HYDIN: variants seen among roughly 807,000 people sequenced by gnomAD.
HYDIN encodes the protein HYDIN axonemal central pair apparatus protein.
In HYDIN, 132 loss-of-function variants were observed where a neutral mutation model predicts 403.9. That is an observed-to-expected ratio of 0.33 (90% CI 0.28 to 0.38). The LOEUF (loss-of-function observed/expected upper bound fraction) is 0.38, where lower values mean the gene tolerates loss of function less well. Ranked by LOEUF, HYDIN falls within the 10% of genes least tolerant of loss-of-function variation. The probability of loss-of-function intolerance (pLI) is 1.00; values close to 1 mark genes in which losing one functional copy is unlikely to be tolerated. For missense variants in HYDIN, 2,827 were observed against 5,009.5 expected (o/e 0.56, Z 13.15); for synonymous variants, 1,202 against 1,891.7 (o/e 0.64, Z 9.46).
chr16:71,210,866 T>C (rs530638326), intron 1 of HYDIN, among the ~76,000 whole-genome samples: 3 of 152,242 alleles, frequency 2.0e-5, no homozygotes, highest in Admixed American at 2.0e-4. Flanking sequence ...TTGTTAGTAG[T>C]CATATTATTA....
chr16:70,881,813 G>T (rs2143687704), intron 60 of HYDIN, among the ~76,000 whole-genome samples: 1 of 152,312 alleles, frequency 6.6e-6, no homozygotes, highest in East Asian at 1.9e-4. Context: ...GCCAGCTCTG[G>T]GGCCTGAGGA....
intron 5 of HYDIN, among the ~76,000 whole-genome samples, chr16:71,164,601 G>A (rs893512943): frequency 2.2e-5 from 1 of 44,994 alleles, no homozygotes; most frequent in Admixed American, 2.5e-4. Context: ...AAAACTGCCA[G>A]GAATGCTCAC....
At chr16:70,875,172 C>T (rs1458107574) in intron 62 of HYDIN, among the ~76,000 whole-genome samples, 4 of 150,834 alleles carry the variant, frequency 2.7e-5, no homozygotes, top group African/African-American at 7.4e-5. Context: ...CAGAACTTTC[C>T]AGATCACGTA....
chr16:71,053,093 A>G (rs2081719734), intron 18 of HYDIN, among the ~76,000 whole-genome samples: 1 of 152,120 alleles, frequency 6.6e-6, no homozygotes, highest in Non-Finnish European at 1.5e-5. Context: ...AAAATTCTCA[A>G]TCTCAATAGT....
intron 74 of HYDIN, 121 bp downstream of exon 74, chr16:70,850,327 T>G (rs1196194363): frequency 1.1e-6 from 1 of 935,662 alleles, no homozygotes; most frequent in Non-Finnish European, 1.6e-6. Flanking sequence ...CTTGCAGTGT[T>G]TCTGTTTTCC....
chr16:71,210,266 C>A (rs1318494530), intron 1 of HYDIN, among the ~76,000 whole-genome samples: 1 of 152,142 alleles, frequency 6.6e-6, no homozygotes, highest in Non-Finnish European at 1.5e-5. Context: ...CCTAAATGCT[C>A]ATCAATGGTA....
intron 1 of HYDIN, 61 bp from the exon 2 acceptor site, chr16:71,186,979 A>C: frequency 9.0e-7 from 1 of 1,106,794 alleles, no homozygotes; most frequent in South Asian, 1.6e-5. Flanking sequence ...ACAGGTCATA[A>C]TTTTTTTTAA....
intron 18 of HYDIN, among the ~76,000 whole-genome samples, chr16:71,042,327 C>T (rs2081310446): frequency 6.6e-6 from 1 of 152,090 alleles, no homozygotes; most frequent in African/African-American, 2.4e-5. Context: ...TTCTTTTAGC[C>T]TTTGCTTTTT....
intron 13 of HYDIN, among the ~76,000 whole-genome samples, chr16:71,070,298 CTCCT>C (rs58076755): frequency 2.2e-4 from 31 of 138,812 alleles, no homozygotes; most frequent in Non-Finnish European, 3.7e-4. Context: ...TCCTTCCTTC[CTCCT>C]TCCTTCCTTC....
At chr16:71,033,268 T>A (rs1207537027) in intron 18 of HYDIN, among the ~76,000 whole-genome samples, 1 of 152,244 alleles carries the variant, frequency 6.6e-6, no homozygotes, top group Non-Finnish European at 1.5e-5. Context: ...CCTTGGAATG[T>A]CTGACAAATG....
intron 39 of HYDIN, among the ~76,000 whole-genome samples, chr16:70,956,261 A>G (rs1200263925): frequency 7.1e-6 from 1 of 140,624 alleles, no homozygotes; most frequent in African/African-American, 3.0e-5. Flanking sequence ...TTCATTACAA[A>G]AAAAAAAAAA....
intron 18 of HYDIN, among the ~76,000 whole-genome samples, chr16:71,043,478 C>A (rs897320931): frequency 8.3e-5 from 12 of 144,246 alleles, no homozygotes; most frequent in Non-Finnish European, 1.5e-5. Context: ...TCTTTTTCTT[C>A]TTTTCCTACT....
chr16:71,016,030 A>T (rs1489855606), intron 23 of HYDIN, among the ~76,000 whole-genome samples: 48 of 152,040 alleles, frequency 3.2e-4, no homozygotes, highest in Admixed American at 2.6e-4. Flanking sequence ...GCTCAGTGCT[A>T]CACATACTCA....
Position 70,901,214 on chromosome 16 carries a change from A to C in HYDIN, c.8850-12T>G, listed in dbSNP as rs760595447. ...CCCTGGATTCCTGTCTGCAGAGACA[A>C]AAGGAAAGTTGCAATTTCATTTCAA... On this transcript the variant is annotated splice_polypyrimidine_tract_variant and intron_variant, in intron 52 of 85. Coordinates refer to ENST00000393567, the MANE Select transcript of HYDIN (RefSeq NM_001270974.2). 1.6e-4 allele frequency: 201 copies of C among 1,232,184 alleles called. No individual in the cohort carries two copies. The highest frequency in any genetic ancestry group is 2.8e-4 in the Admixed American group (12 of 42,806). The allele number at this position is 1,232,184 out of a possible 1,614,324, so 76.3% of individuals were successfully genotyped here. A position where few individuals can be genotyped will look rare whatever the true frequency, so the allele number is the denominator to read the frequency against.
Position 70,805,551 on chromosome 16 carries a change from A to C in HYDIN, c.*2029T>G, listed in dbSNP as rs2035072489. Among the ~76,000 whole-genome samples, 1 of 152,236 alleles carries C rather than the reference A, an allele frequency of 6.6e-6. No individual in the cohort carries two copies. The highest frequency in any genetic ancestry group is 2.1e-4 in the South Asian group (1 of 4,832). On this transcript the variant is annotated 3_prime_UTR_variant, in exon 86 of 86. Transcript: ENST00000393567. ...ATCGGACTTCCTGAGGGTGGGGCTC[A>C]GCAATCTGTTTCAGTAAGCCCTCCA...
At chr16:70,950,518 G>A (rs1179177747) in intron 41 of HYDIN, among the ~76,000 whole-genome samples, 4 of 151,168 alleles carry the variant, frequency 2.6e-5, no homozygotes, top group Admixed American at 6.6e-5. Context: ...TCAGCCTCCC[G>A]AAGTGCTGGG....
intron 23 of HYDIN, among the ~76,000 whole-genome samples, chr16:71,016,331 A>C (rs1180924396): frequency 6.6e-6 from 1 of 151,822 alleles, no homozygotes; most frequent in Non-Finnish European, 1.5e-5. Context: ...ACATTTCTCC[A>C]GAGAAGATCT....
intron 36 of HYDIN, among the ~76,000 whole-genome samples, chr16:70,969,129 C>G (rs1207008890): frequency 2.0e-5 from 3 of 151,964 alleles, no homozygotes; most frequent in Non-Finnish European, 4.4e-5. Context: ...AGAAAAGAGC[C>G]TCAAAGAACT....
intron 23 of HYDIN, among the ~76,000 whole-genome samples, chr16:71,015,214 G>A (rs1216510284): frequency 1.3e-5 from 2 of 151,716 alleles, no homozygotes; most frequent in Admixed American, 6.6e-5. Context: ...CTCTGATTGA[G>A]TAAATGAATC....
Sources: gnomAD v4.1 joint callset for allele counts (sites outside exome capture counted in the v4.1 genomes callset) on GRCh38, gnomAD v4.1.1 for gene constraint, MANE v1.5 for transcripts, NCBI Gene and HGNC (gene_info 2026-07-23, HGNC 2026-07-21) for gene names.